TAF12: variants seen among roughly 807,000 people sequenced by gnomAD.
The protein encoded by TAF12 is TATA-box binding protein associated factor 12.
In TAF12, 3 loss-of-function variants were observed where a neutral mutation model predicts 20.8. The observed-to-expected ratio is 0.14, with a 90% confidence interval of 0.07 to 0.37. TAF12 has a LOEUF of 0.37. Ranked by LOEUF, TAF12 falls within the 10% of genes least tolerant of loss-of-function variation. The pLI, the probability that TAF12 is intolerant of heterozygous loss-of-function variation, is 1.00. For synonymous variants in TAF12, 69 were observed against 70.2 expected, an observed-to-expected ratio of 0.98 and a Z score of 0.09; for missense variants, 131 against 197.9, an observed-to-expected ratio of 0.66 and a Z score of 2.03.
At chr1:28,631,741 GA>G (rs1209209006) in intron 1 of TAF12, among the ~76,000 whole-genome samples, 1 of 152,110 alleles carries the variant, frequency 6.6e-6, no homozygotes, top group Non-Finnish European at 1.5e-5. Context: ...ATAGGCACAT[GA>G]AAAGATGCTC....
At chr1:28,640,966 G>A (rs1362120219) in intron 1 of TAF12, among the ~76,000 whole-genome samples, 1 of 152,102 alleles carries the variant, frequency 6.6e-6, no homozygotes, top group African/African-American at 2.4e-5. Flanking sequence ...AGTCCCAGGA[G>A]GCTGAGGCAG....
chr1:28,637,853 A>G (rs546882068), intron 1 of TAF12, among the ~76,000 whole-genome samples: 19 of 152,212 alleles, frequency 1.2e-4, no homozygotes, highest in Non-Finnish European at 2.6e-4. Context: ...AATCCCAACC[A>G]AAAGTAGTAT....
chr1:28,637,605 C>A (rs2124383541), intron 1 of TAF12, among the ~76,000 whole-genome samples: 1 of 151,748 alleles, frequency 6.6e-6, no homozygotes, highest in East Asian at 2.0e-4. Context: ...GCGGAGGTTG[C>A]AGTGAGCCGA....
chr1:28,622,360 G>GAAAA (rs1033224931), intron 1 of TAF12, among the ~76,000 whole-genome samples, 195 bp from the exon 2 acceptor site: 14 of 77,820 alleles, frequency 1.8e-4, no homozygotes, highest in South Asian at 4.4e-4. Context: ...TCTCTACCAA[G>GAAAA]AAAAAAAAAA....
intron 1 of TAF12, among the ~76,000 whole-genome samples, chr1:28,622,612 C>T (rs988347463): frequency 1.3e-5 from 2 of 151,954 alleles, no homozygotes; most frequent in African/African-American, 2.4e-5. Flanking sequence ...ACTAGGGCCG[C>T]GTGCAGTAGC....
At chr1:28,614,606 C>T (rs142982651) in intron 3 of TAF12, among the ~76,000 whole-genome samples, 19 of 151,036 alleles carry the variant, frequency 1.3e-4, no homozygotes, top group South Asian at 4.2e-4. Context: ...TCGCTGAAGC[C>T]GGGGCAGCAG....
At chr1:28,620,381 C>G (rs1487608195) in intron 2 of TAF12, among the ~76,000 whole-genome samples, 1 of 151,938 alleles carries the variant, frequency 6.6e-6, no homozygotes, top group African/African-American at 2.4e-5. Context: ...TTATCGCCTG[C>G]CTTGGCCTCC....
chr1:28,631,237 C>G (rs944507174), intron 1 of TAF12, among the ~76,000 whole-genome samples: 1 of 150,884 alleles, frequency 6.6e-6, no homozygotes, highest in South Asian at 2.1e-4. Context: ...AATGGGCAGA[C>G]TCGGCCAGGC....
Position 28,604,612 on chromosome 1 carries a change from G to C in TAF12, c.450+760C>G, listed in dbSNP as rs550036522. Among the ~76,000 whole-genome samples, 40 of 152,312 alleles carry C rather than the reference G, an allele frequency of 2.6e-4. No individual in the cohort carries two copies. In the South Asian group the frequency reaches 8.3e-3, roughly 32 times the overall value. On this transcript the variant is annotated intron_variant, in intron 5 of 5. Transcript: ENST00000373824. ...AATCTTTCCATTCAGGAAACTGGTGGCTTCCCTTTAGGGCTTGCTTCGTGA... is the reference window on the plus strand; with the variant it reads ...AATCTTTCCATTCAGGAAACTGGTGCCTTCCCTTTAGGGCTTGCTTCGTGA...
intron 1 of TAF12, among the ~76,000 whole-genome samples, chr1:28,637,989 T>A (rs1374815996): frequency 6.6e-6 from 1 of 151,950 alleles, no homozygotes; most frequent in Non-Finnish European, 1.5e-5. Context: ...CATTCCTATT[T>A]TTTGTTTAAT....
chr1:28,635,828 A>T (rs1017700731), intron 1 of TAF12, among the ~76,000 whole-genome samples: 5 of 129,394 alleles, frequency 3.9e-5, no homozygotes, highest in African/African-American at 7.8e-5. Context: ...TTTTTTTTTT[A>T]AAAAAACAAA....
At chr1:28,606,277 G>A (rs912359800) in intron 4 of TAF12, among the ~76,000 whole-genome samples, 6 of 152,072 alleles carry the variant, frequency 3.9e-5, no homozygotes, top group African/African-American at 9.7e-5. Flanking sequence ...GATTACAGGC[G>A]TGAGACATCG....
intron 1 of TAF12, chr1:28,642,738 T>C (rs1213724968): frequency 1.0e-6 from 1 of 985,260 alleles, no homozygotes; most frequent in African/African-American, 1.7e-5. Context: ...CCTGCTCCTC[T>C]CAGACCACTT....
chr1:28,634,837 G>A (rs2124376527), intron 1 of TAF12, among the ~76,000 whole-genome samples: 1 of 152,174 alleles, frequency 6.6e-6, no homozygotes, highest in Non-Finnish European at 1.5e-5. Context: ...GCTGAGGCAG[G>A]AGAATTGTTT....
intron 1 of TAF12, among the ~76,000 whole-genome samples, chr1:28,629,930 G>A (rs1258622386): frequency 3.3e-5 from 5 of 150,808 alleles, no homozygotes; most frequent in African/African-American, 9.8e-5. Context: ...GCAAGGCACC[G>A]CACCCAACTC....
intron 3 of TAF12, 29 bp from the exon 4 acceptor site, chr1:28,613,390 C>A (rs1170150850): frequency 6.3e-7 from 1 of 1,577,126 alleles, no homozygotes; most frequent in Non-Finnish European, 8.6e-7. Context: ...GAAGAGTCAG[C>A]ACGACATTGG....
chr1:28,636,813 A>T (rs779244799), intron 1 of TAF12, among the ~76,000 whole-genome samples: 83 of 152,050 alleles, frequency 5.5e-4, no homozygotes, highest in Non-Finnish European at 9.9e-4. Context: ...GGAAAAAAAA[A>T]AAATCAACAT....
At chr1:28,647,645 G>A (rs1050516533), upstream of TAF12, among the ~76,000 whole-genome samples, 6 of 152,114 alleles carry the variant, frequency 3.9e-5, no homozygotes, top group African/African-American at 1.4e-4. Flanking sequence ...AGGCTGAGGC[G>A]GGCGGATCAC....
chr1:28,643,069 C>G (rs1011909056), upstream of TAF12: 49 of 985,808 alleles, frequency 5.0e-5, no homozygotes, highest in Non-Finnish European at 5.9e-5. Flanking sequence ...GGTCCGACTG[C>G]GCGGCCCTCC....
Sources: gnomAD v4.1 joint callset for allele counts (sites outside exome capture counted in the v4.1 genomes callset) on GRCh38, gnomAD v4.1.1 for gene constraint, MANE v1.5 for transcripts, NCBI Gene and HGNC (gene_info 2026-07-23, HGNC 2026-07-21) for gene names.